The following ZBP1 variants were observed in gnomAD, a reference collection of about 807,000 sequenced individuals.
ZBP1 encodes Z-DNA binding protein 1.
ZBP1 carries 42 observed loss-of-function variants against 41.1 expected under a neutral mutation model. The ratio of observed to expected loss-of-function variants is 1.02; its 90% CI spans 0.80 to 1.32. The LOEUF is 1.32. Among genes scored for constraint, ZBP1 ranks in the 40% most tolerant of loss-of-function variants. The pLI, the probability that ZBP1 is intolerant of heterozygous loss-of-function variation, is 0.00. For missense variants in ZBP1, 562 were observed against 549.7 expected (o/e 1.02, Z -0.22); for synonymous variants, 214 against 205.2 (o/e 1.04, Z -0.37).
At position 57,614,746 on chromosome 20, in the gene ZBP1, C is replaced by T; in HGVS notation, c.502+141G>A. Reference sequence around the variant, plus strand: ...CCAGCACACCCCTTCCTCCTGGAAGCCCTTGCAGTGAATTGTCGGTAGGAC... The same window carrying T: ...CCAGCACACCCCTTCCTCCTGGAAGTCCTTGCAGTGAATTGTCGGTAGGAC... On this transcript the variant is annotated intron_variant, in intron 4 of 7. Transcript: ENST00000371173. 4 of 1,128,838 alleles carry T rather than the reference C, an allele frequency of 3.5e-6. No individual in the cohort carries two copies. The South Asian group carries it at 6.1e-5, about 17-fold the overall frequency. 69.9% of individuals were successfully genotyped at this position (1,128,838 alleles called of 1,614,324 possible).
chr20:57,615,483 G>A (rs542679584), intron 3 of ZBP1, 29 bp downstream of exon 3: 27 of 1,609,710 alleles, frequency 1.7e-5, no homozygotes, highest in African/African-American at 5.3e-5. Flanking sequence ...CCTGTGTCCC[G>A]GGAACTGAAG....
chr20:57,619,455 C>T (rs1054909086), intron 1 of ZBP1, among the ~76,000 whole-genome samples: 10 of 152,204 alleles, frequency 6.6e-5, no homozygotes, highest in Non-Finnish European at 7.3e-5. Context: ...GTCCACAGCG[C>T]TTAGTGGAGA....
At chr20:57,611,146 T>C (rs1471938626) in intron 6 of ZBP1, among the ~76,000 whole-genome samples, 1 of 152,212 alleles carries the variant, frequency 6.6e-6, no homozygotes, top group Non-Finnish European at 1.5e-5. Flanking sequence ...CCTGCTCCAG[T>C]TGGCCCAGCC....
chr20:57,616,097 A>G (rs908369435), intron 2 of ZBP1, 147 bp downstream of exon 2: 2 of 759,150 alleles, frequency 2.6e-6, no homozygotes, highest in Non-Finnish European at 4.1e-6. Flanking sequence ...TCCATCAACC[A>G]GAAAAAGAAA....
rs890994472 is a variant in ZBP1, at chr20:57,614,809, G to A, written c.502+78C>T. 34 of 1,568,786 alleles carry A rather than the reference G, an allele frequency of 2.2e-5. No individual in the cohort carries two copies. The African/African-American group carries it at 3.9e-4, about 18-fold the overall frequency. On this transcript the variant is annotated intron_variant, in intron 4 of 7. Coordinates refer to ENST00000371173, the MANE Select transcript of ZBP1 (RefSeq NM_030776.3). ...CTAGCAGTTTCCGGTGAGCTGCTCA[G>A]CAGAGCACCCAGCAAAGACCAAGCA...
intron 7 of ZBP1, among the ~76,000 whole-genome samples, chr20:57,607,576 A>C (rs776339038): frequency 1.1e-4 from 17 of 152,262 alleles, no homozygotes; most frequent in Non-Finnish European, 2.4e-4. Context: ...AAGAAGTTCT[A>C]GTATGAGTAA....
intron 1 of ZBP1, 46 bp from the exon 2 acceptor site, chr20:57,616,514 G>A: frequency 1.2e-6 from 2 of 1,600,236 alleles, no homozygotes; most frequent in Non-Finnish European, 1.7e-6. Context: ...AGTCTCCCAG[G>A]TCCCCACAGT....
Position 57,615,410 on chromosome 20 carries a change from C to T in ZBP1, c.328+102G>A, listed in dbSNP as rs548226850. ...GAGCTGCCTGGTGGGTGGGACAGGGCCCCTGAACACTGGTGAGATCTTGTA... is the reference window on the plus strand; with the variant it reads ...GAGCTGCCTGGTGGGTGGGACAGGGTCCCTGAACACTGGTGAGATCTTGTA... On this transcript the variant is annotated intron_variant, in intron 3 of 7. Transcript: ENST00000371173. 163 of 1,275,874 alleles carry T rather than the reference C, an allele frequency of 1.3e-4. No individual in the cohort carries two copies. In the African/African-American group the frequency reaches 2.2e-3, roughly 17 times the overall value. The allele number at this position is 1,275,874 out of a possible 1,614,324, so 79.0% of individuals were successfully genotyped here.
chr20:57,604,203 G>C lies in ZBP1; in HGVS notation c.*370C>G, dbSNP rs2070438294. The C allele has an allele frequency of 2.7e-6, 1 of 373,106 alleles. No homozygotes were observed. The highest frequency in any genetic ancestry group is 7.1e-5 in the East Asian group (1 of 14,174). 23.1% of individuals were successfully genotyped at this position (373,106 alleles called of 1,614,324 possible). ...TATGTTTTGATATGAATTTTGTTGG[G>C]ACTCAAACATTCAAACCACAGCAGG... On this transcript the variant is annotated 3_prime_UTR_variant, in exon 8 of 8. Coordinates refer to ENST00000371173, the MANE Select transcript of ZBP1 (RefSeq NM_030776.3).
chr20:57,610,756 A>G lies in ZBP1; in HGVS notation c.875-389T>C, dbSNP rs1427245636. 2.3e-5 allele frequency: 7 copies of G among 300,530 alleles called. No individual in the cohort carries two copies. The highest frequency in any genetic ancestry group is 1.7e-4 in the East Asian group (2 of 11,714). The allele number at this position is 300,530 out of a possible 1,614,324, so 18.6% of individuals were successfully genotyped here. On this transcript the variant is annotated intron_variant, in intron 6 of 7. Coordinates refer to ENST00000371173, the MANE Select transcript of ZBP1 (RefSeq NM_030776.3). This position sits in a 1 kb window ranked among gnomAD's most constrained non-coding sequence, Gnocchi z 5.5. ...TCCCAGCCTGGCCCCAGCTCCTGCCATCTGGCTCTGCCCTTTCCCACCCAA... is the reference window on the plus strand; with the variant it reads ...TCCCAGCCTGGCCCCAGCTCCTGCCGTCTGGCTCTGCCCTTTCCCACCCAA...
At position 57,611,938 on chromosome 20, in the gene ZBP1, G is replaced by A. The variant is rs1434466229; in HGVS notation, c.671-8C>T. 3.2e-6 allele frequency: 5 copies of A among 1,553,142 alleles called. No homozygotes were observed. In the Admixed American group the frequency reaches 9.8e-5, roughly 30 times the overall value. On this transcript the variant is annotated splice_region_variant and splice_polypyrimidine_tract_variant and intron_variant, in intron 5 of 7. Transcript: ENST00000371173. ...GGCGTGGACCGGCGGAACCTGGCAG[G>A]GGACAGTGGCACAGCCTCACCGGAG...
At chr20:57,612,805 A>G in intron 5 of ZBP1, 2 of 747,240 alleles carry the variant, frequency 2.7e-6, no homozygotes, top group Non-Finnish European at 3.6e-6. Flanking sequence ...GCGGAGGGAA[A>G]GGCAATTGAG....
chr20:57,607,220 C>A (rs1411348707), intron 7 of ZBP1: 3 of 1,303,944 alleles, frequency 2.3e-6, no homozygotes, highest in Non-Finnish European at 3.0e-6. Context: ...AAACTATCAA[C>A]ATTCACAGGA....
In ZBP1 at chr20:57,613,455, T is replaced by G; in HGVS notation, c.503-125A>C. The G allele has an allele frequency of 9.8e-7, 1 of 1,024,496 alleles. No homozygotes were observed. The highest frequency in any genetic ancestry group is 1.5e-6 in the Non-Finnish European group (1 of 685,990). The allele number at this position is 1,024,496 out of a possible 1,614,324, so 63.5% of individuals were successfully genotyped here. A position where few individuals can be genotyped will look rare whatever the true frequency, so the allele number is the denominator to read the frequency against. On this transcript the variant is annotated intron_variant, in intron 4 of 7. Transcript: ENST00000371173. This position sits in a 1 kb window ranked among gnomAD's most constrained non-coding sequence, Gnocchi z 4.5. ...AAATACCCTGGGCGTTCCGAGTCAG[T>G]AGGGCCAAGTGGGAGGCCAGAGCTG...
chr20:57,618,722 C>T (rs1411579838), intron 1 of ZBP1, among the ~76,000 whole-genome samples: 1 of 152,184 alleles, frequency 6.6e-6, no homozygotes, highest in African/African-American at 2.4e-5. Context: ...GCTGAGATTA[C>T]AGGCACGCAC....
rs998632406 is a variant in ZBP1, at chr20:57,604,265, G to A, written c.*308C>T. The stretch of plus-strand genomic sequence containing the variant: ...GAAGGTAACTCCAGGCAGATGCCCC[G>A]AGCCCAGGAAAGAGTGGAGAGAGTC... On this transcript the variant is annotated 3_prime_UTR_variant, in exon 8 of 8. Coordinates refer to ENST00000371173, the MANE Select transcript of ZBP1 (RefSeq NM_030776.3). The A allele has an allele frequency of 1.6e-5, 8 of 507,970 alleles. No homozygotes were observed. The highest frequency in any genetic ancestry group is 1.4e-4 in the East Asian group (3 of 21,646). The allele number at this position is 507,970 out of a possible 1,614,324, so 31.5% of individuals were successfully genotyped here. A position where few individuals can be genotyped will look rare whatever the true frequency, so the allele number is the denominator to read the frequency against.
At position 57,618,978 on chromosome 20, in the gene ZBP1, C is replaced by CACT. The variant is rs553263929; in HGVS notation, c.34+1281_34+1283dup. Among the ~76,000 whole-genome samples the CACT allele has an allele frequency of 1.6e-3, 244 of 152,378 alleles. 2 individuals are homozygous for CACT. Among genetic ancestry groups the CACT allele is most frequent in the Middle Eastern group, 3.4e-3 (1 of 294 alleles). ...GTCAGAGGTGTGGATGCAGGACAAG[C>CACT]ACTGGCCCTGGGCTGGCCTCGACTG... On this transcript the variant is annotated intron_variant, in intron 1 of 7. Coordinates refer to ENST00000371173, the MANE Select transcript of ZBP1 (RefSeq NM_030776.3).
intron 7 of ZBP1, chr20:57,607,191 T>TGATTCATGG (rs2070519285): frequency 2.3e-6 from 3 of 1,304,028 alleles, no homozygotes; most frequent in Non-Finnish European, 2.0e-6. Context: ...AGAACATTTG[T>TGATTCATGG]GATTCATGGG....
At chr20:57,609,321 C>T (rs148872616) in intron 7 of ZBP1, among the ~76,000 whole-genome samples, 5 of 152,332 alleles carry the variant, frequency 3.3e-5, no homozygotes, top group Non-Finnish European at 7.3e-5. Context: ...AGGGACCAAA[C>T]GGTGGCTGGG....
Sources: gnomAD v4.1 joint callset for allele counts (sites outside exome capture counted in the v4.1 genomes callset) on GRCh38, gnomAD v4.1.1 for gene constraint, Gnocchi (gnomAD v3.1) non-coding constraint, MANE v1.5 for transcripts, NCBI Gene and HGNC (gene_info 2026-07-23, HGNC 2026-07-21) for gene names.